WDR25: variants seen among roughly 807,000 people sequenced by gnomAD.
WDR25 encodes WD repeat domain 25.
Under a neutral mutation model 47.7 loss-of-function variants are expected in WDR25, and 35 were observed. That is an observed-to-expected ratio of 0.73 (90% confidence interval 0.56 to 0.97). The LOEUF (loss-of-function observed/expected upper bound fraction) is 0.97, where lower values mean the gene tolerates loss of function less well. Ranked by LOEUF, WDR25 falls within the 50% of genes least tolerant of loss-of-function variation. WDR25 has a pLI of 0.00. For synonymous variants in WDR25, 248 were observed against 278.9 expected (o/e 0.89, Z 1.10); for missense variants, 634 against 704.7 (o/e 0.90, Z 1.14).
At position 100,525,947 on chromosome 14, in the gene WDR25, C is replaced by A. The variant is rs1220165016; in HGVS notation, c.1179C>A (p.Ser393Arg). 1.2e-6 allele frequency: 2 copies of A among 1,613,948 alleles called. No individual in the cohort carries two copies. The highest frequency in any genetic ancestry group is 1.7e-6 in the Non-Finnish European group (2 of 1,179,984). Reference protein sequence around the residue: ...LFLREGSEFLSSTDASTRDSA... With the variant: ...LFLREGSEFLRSTDASTRDSA... The stretch of plus-strand genomic sequence containing the variant: ...TCCGGGAAGGCTCCGAGTTCCTGAG[C>A]AGCACAGACGCTTCCACCCGGGACT... The change falls in exon 5 of 7, where the codon AGC (serine) becomes AGA (arginine). Residue 393 changes from serine (S) to arginine (R), a missense_variant. Physicochemically the swap from Ser to Arg is moderately radical, Grantham distance 110 (BLOSUM62 -1). Coordinates refer to ENST00000402312, the MANE Select transcript of WDR25 (RefSeq NM_001161476.3). The surrounding 1 kb of genome is among the most constrained non-coding windows in gnomAD (Gnocchi z 4.6).
Position 100,381,123 on chromosome 14 carries a change from C to T in WDR25, c.199C>T (p.His67Tyr). 1 of 1,614,220 alleles carries T rather than the reference C, an allele frequency of 6.2e-7. No homozygotes were observed. Residue 67 changes from histidine to tyrosine, a missense_variant, in exon 2 of 7, where the codon CAT becomes TAT. His to Tyr is a moderately conservative substitution (Grantham distance 83, BLOSUM62 2). Coordinates refer to ENST00000402312, the MANE Select transcript of WDR25 (RefSeq NM_001161476.3). ...CAAAGCAGGGGCACAGCCCACAAAG[C>T]ATGGCTCCTGTGAAGACCCAGGGGG... The part of the protein sequence containing the change: ...VPKAGAQPTK[H>Y]GSCEDPGGYR...
intron 3 of WDR25, among the ~76,000 whole-genome samples, chr14:100,479,775 C>T (rs1161357049): frequency 6.6e-6 from 1 of 152,158 alleles, no homozygotes. Flanking sequence ...GACCACACAG[C>T]AGGAGGTGAG....
intron 2 of WDR25, among the ~76,000 whole-genome samples, chr14:100,443,003 C>T (rs1898715104): frequency 6.6e-6 from 1 of 152,252 alleles, no homozygotes; most frequent in Non-Finnish European, 1.5e-5. Flanking sequence ...CCACCCAGAC[C>T]TACCGCACTG....
intron 4 of WDR25, among the ~76,000 whole-genome samples, chr14:100,485,622 G>A (rs114834309): frequency 0.012 from 1,868 of 152,316 alleles, 38 homozygotes; most frequent in African/African-American, 0.042. Context: ...ACAGTGGGGA[G>A]CCACGGGAGG....
intron 1 of WDR25, among the ~76,000 whole-genome samples, chr14:100,379,907 A>G (rs1173107859): frequency 6.7e-6 from 1 of 150,370 alleles, no homozygotes; most frequent in African/African-American, 2.5e-5. Flanking sequence ...ACGCCTGGCT[A>G]ATTTTTGTAT....
rs553525732 is a variant in WDR25, at chr14:100,499,321, T to G, written c.1101+15197T>G. Among the ~76,000 whole-genome samples, 1 of 152,346 alleles carries G rather than the reference T, an allele frequency of 6.6e-6. No individual in the cohort carries two copies. The highest frequency in any genetic ancestry group is 2.1e-4 in the South Asian group (1 of 4,826). Reference sequence around the variant, plus strand: ...TATAATTTTTAATAATTACTCAATATATTATACCAAGATGTATTTAACCAG... The same window carrying G: ...TATAATTTTTAATAATTACTCAATAGATTATACCAAGATGTATTTAACCAG... On this transcript the variant is annotated intron_variant, in intron 4 of 6. Transcript: ENST00000402312. This position sits in a 1 kb window ranked among gnomAD's most constrained non-coding sequence, Gnocchi z 4.4.
intron 2 of WDR25, among the ~76,000 whole-genome samples, chr14:100,444,234 G>C (rs912582031): frequency 1.3e-5 from 2 of 152,166 alleles, no homozygotes; most frequent in Non-Finnish European, 2.9e-5. Flanking sequence ...GGAAATTGGC[G>C]GTCAGAGGGA....
rs1184918895 is a variant in WDR25, at chr14:100,502,458, G to T, written c.1101+18334G>T. On this transcript the variant is annotated intron_variant, in intron 4 of 6. Transcript: ENST00000402312. The surrounding 1 kb of genome is among the most constrained non-coding windows in gnomAD (Gnocchi z 4.5). ...ATGGCTCTGACGAGGCCTTCCTGCT[G>T]CGAGTAGTCAGCTCCCTCTCCTGGA... 2.6e-5 allele frequency among the ~76,000 whole-genome samples: 4 copies of T among 152,206 alleles called. No individual in the cohort carries two copies. Among genetic ancestry groups the T allele is most frequent in the African/African-American group, 7.2e-5 (3 of 41,468 alleles).
chr14:100,457,140 A>G (rs951230836), intron 2 of WDR25, among the ~76,000 whole-genome samples: 2 of 152,136 alleles, frequency 1.3e-5, no homozygotes, highest in Non-Finnish European at 2.9e-5. Context: ...TTTTTAATAG[A>G]GACAGGGTTT....
At chr14:100,478,519 T>C (rs1900094588) in intron 3 of WDR25, among the ~76,000 whole-genome samples, 1 of 152,254 alleles carries the variant, frequency 6.6e-6, no homozygotes. Context: ...CCTTAGTCTT[T>C]TCACTAGGTA....
At chr14:100,460,112 A>T (rs1261029787) in intron 2 of WDR25, among the ~76,000 whole-genome samples, 57 of 129,668 alleles carry the variant, frequency 4.4e-4, no homozygotes, top group African/African-American at 1.3e-3. Flanking sequence ...TAGATACAAA[A>T]TTTTTTTTTT....
chr14:100,422,112 G>A (rs566437497), intron 2 of WDR25, among the ~76,000 whole-genome samples: 12 of 152,314 alleles, frequency 7.9e-5, no homozygotes, highest in Admixed American at 3.9e-4. Context: ...CTGCAGTTTG[G>A]GCAGGGCTTG....
chr14:100,497,338 C>G (rs1364982470), intron 4 of WDR25, among the ~76,000 whole-genome samples: 2 of 152,090 alleles, frequency 1.3e-5, no homozygotes, highest in Non-Finnish European at 2.9e-5. Flanking sequence ...ACATCTCCAG[C>G]TATAGTTGTG....
intron 2 of WDR25, among the ~76,000 whole-genome samples, chr14:100,444,038 GC>G (rs1898750992): frequency 6.6e-6 from 1 of 152,180 alleles, no homozygotes; most frequent in Admixed American, 6.5e-5. Context: ...CAGGAGCCCA[GC>G]CCCAGAGCCT....
In WDR25 at chr14:100,407,800, G is replaced by T. The variant is rs1183973709; in HGVS notation, c.822+26054G>T. ...GGTGCCAGAGATTAGAGCTGGGATT[G>T]GAGATGTAGCCCGTCCCCGTTCAGG... On this transcript the variant is annotated intron_variant, in intron 2 of 6. Transcript: ENST00000402312. The surrounding 1 kb of genome is among the most constrained non-coding windows in gnomAD (Gnocchi z 4.1). 1.3e-5 allele frequency among the ~76,000 whole-genome samples: 2 copies of T among 150,268 alleles called. No individual in the cohort carries two copies. Among genetic ancestry groups the T allele is most frequent in the African/African-American group, 5.0e-5 (2 of 39,776 alleles).
At chr14:100,413,140 T>A (rs1313428648) in intron 2 of WDR25, among the ~76,000 whole-genome samples, 1 of 152,222 alleles carries the variant, frequency 6.6e-6, no homozygotes, top group East Asian at 1.9e-4. Flanking sequence ...TGAATGTTTT[T>A]AATTTTTAAA....
Position 100,484,046 on chromosome 14 carries a change from C to T in WDR25, c.1023C>T (p.Phe341=). The T allele has an allele frequency of 6.2e-7, 1 of 1,613,770 alleles. No individual in the cohort carries two copies. The highest frequency in any genetic ancestry group is 2.2e-5 in the East Asian group (1 of 44,870). ...ACTTTAGAATCACTACCTTGAAATTCCATCCAAAAGACCACAACATCTTTT... is the reference window on the plus strand; with the variant it reads ...ACTTTAGAATCACTACCTTGAAATTTCATCCAAAAGACCACAACATCTTTT... ...RSDFRITTLK[F]HPKDHNIFLC... The change falls in exon 4 of 7, where the codon TTC becomes TTT. Residue 341 remains phenylalanine (F), a synonymous_variant. Coordinates refer to ENST00000402312, the MANE Select transcript of WDR25 (RefSeq NM_001161476.3).
chr14:100,393,163 T>C (rs553068626), intron 2 of WDR25, among the ~76,000 whole-genome samples: 84 of 152,366 alleles, frequency 5.5e-4, no homozygotes, highest in African/African-American at 1.8e-3. Context: ...GAATTCTAAT[T>C]TGAATACATG....
At chr14:100,496,204 G>C (rs1487993306) in intron 4 of WDR25, among the ~76,000 whole-genome samples, 1 of 152,236 alleles carries the variant, frequency 6.6e-6, no homozygotes, top group Non-Finnish European at 1.5e-5. Context: ...GAACTATTCA[G>C]ATTGTATATG....
Sources: gnomAD v4.1 joint callset for allele counts (sites outside exome capture counted in the v4.1 genomes callset) on GRCh38, gnomAD v4.1.1 for gene constraint, Gnocchi (gnomAD v3.1) non-coding constraint, MANE v1.5 for transcripts, NCBI Gene and HGNC (gene_info 2026-07-23, HGNC 2026-07-21) for gene names.